CAPN2: variants seen among roughly 807,000 people sequenced by gnomAD.
CAPN2 encodes the protein calpain-2 catalytic subunit.
A neutral mutation model predicts 102.3 loss-of-function variants in CAPN2; 92 were observed. The observed-to-expected ratio is 0.90, with a 90% confidence interval of 0.76 to 1.07. The LOEUF (loss-of-function observed/expected upper bound fraction) is 1.07, where lower values mean the gene tolerates loss of function less well. Among genes scored for constraint, CAPN2 ranks in the 50% least tolerant of loss-of-function variants. The pLI is 0.00. For missense variants in CAPN2, 800 were observed against 909.4 expected (o/e 0.88, Z 1.55); for synonymous variants, 340 against 355.4 (o/e 0.96, Z 0.49).
chr1:223,737,336 C>T (rs998570880), intron 2 of CAPN2, among the ~76,000 whole-genome samples: 1 of 152,206 alleles, frequency 6.6e-6, no homozygotes, highest in Admixed American at 6.5e-5. Flanking sequence ...AGCCCGTGGT[C>T]AGGACCTTCA....
chr1:223,745,256 C>A, intron 3 of CAPN2, 50 bp from the exon 4 acceptor site: 3 of 1,612,006 alleles, frequency 1.9e-6, no homozygotes, highest in Non-Finnish European at 2.5e-6. Context: ...GGCTCAGAGT[C>A]CCAGTGCTGC....
chr1:223,720,654 CA>C (rs1005971616), intron 2 of CAPN2, among the ~76,000 whole-genome samples: 4 of 152,126 alleles, frequency 2.6e-5, no homozygotes, highest in Admixed American at 1.3e-4. Context: ...GGAGTAATAA[CA>C]GTACCCATCA....
chr1:223,757,384 C>T lies in CAPN2; in HGVS notation c.1317+4C>T, dbSNP rs371577951. On this transcript the variant is annotated splice_donor_region_variant and intron_variant, in intron 11 of 20. Transcript: ENST00000295006. ...TATTTTGCAGGTTCCAGAGGAGGTA[C>T]GTCTGGCCCATGTCCCGGGGTGCTC... 18 of 1,614,036 alleles carry T rather than the reference C, an allele frequency of 1.1e-5. No individual in the cohort carries two copies. The highest frequency in any genetic ancestry group is 1.1e-4 in the African/African-American group (8 of 74,924).
upstream of CAPN2, among the ~76,000 whole-genome samples, chr1:223,710,919 T>G (rs1659712784): frequency 6.6e-6 from 1 of 150,850 alleles, no homozygotes; most frequent in South Asian, 2.1e-4. Context: ...CTAACATGTA[T>G]AAAACCAAGC....
chr1:223,717,319 G>T (rs1659903991), intron 1 of CAPN2, among the ~76,000 whole-genome samples: 1 of 152,158 alleles, frequency 6.6e-6, no homozygotes. Flanking sequence ...GATGCAATAT[G>T]GAAAAGGAGG....
intron 1 of CAPN2, among the ~76,000 whole-genome samples, chr1:223,714,143 C>T (rs1571778377): frequency 6.6e-6 from 1 of 152,194 alleles, no homozygotes; most frequent in Admixed American, 6.5e-5. Flanking sequence ...ACCTCCCCAC[C>T]TTGTTTTTCT....
In CAPN2 at chr1:223,727,706, C is replaced by T. The variant is rs1395401482; in HGVS notation, c.307+9875C>T. ...GTAAATACTGTAGGAAAGGAGAAAACATTGCATGTACGGGGTCAGGGCAGC... is the reference window on the plus strand; with the variant it reads ...GTAAATACTGTAGGAAAGGAGAAAATATTGCATGTACGGGGTCAGGGCAGC... On this transcript the variant is annotated intron_variant, in intron 2 of 20. Transcript: ENST00000295006. The surrounding 1 kb of genome is among the most constrained non-coding windows in gnomAD (Gnocchi z 4.1). Among the ~76,000 whole-genome samples, 1 of 152,144 alleles carries T rather than the reference C, an allele frequency of 6.6e-6. No homozygotes were observed. Among genetic ancestry groups the T allele is most frequent in the Admixed American group, 6.5e-5 (1 of 15,274 alleles).
chr1:223,702,105 AGAAG>A (rs372361537), intron 1 of CAPN2, among the ~76,000 whole-genome samples: 55 of 84,606 alleles, frequency 6.5e-4, no homozygotes, highest in African/African-American at 2.1e-3. Context: ...AAAGAAGGAA[AGAAG>A]GAAGGAAGGA....
intron 2 of CAPN2, among the ~76,000 whole-genome samples, chr1:223,733,070 T>C (rs561568079): frequency 2.6e-5 from 4 of 152,272 alleles, no homozygotes; most frequent in African/African-American, 9.6e-5. Flanking sequence ...GTGCAGGCAC[T>C]GGGTGTAACT....
At chr1:223,739,108 A>G (rs897939777) in intron 2 of CAPN2, among the ~76,000 whole-genome samples, 2 of 152,146 alleles carry the variant, frequency 1.3e-5, no homozygotes, top group African/African-American at 4.8e-5. Flanking sequence ...TTCCCAAGAC[A>G]ATAGTTTCTG....
intron 11 of CAPN2, 153 bp downstream of exon 11, chr1:223,757,533 C>T (rs1041753373): frequency 2.5e-6 from 2 of 797,816 alleles, no homozygotes; most frequent in Non-Finnish European, 2.1e-6. Context: ...TGAAGTTGCC[C>T]AGGCTCTAGA....
At chr1:223,752,540 C>T (rs1330222924) in intron 8 of CAPN2, among the ~76,000 whole-genome samples, 3 of 152,200 alleles carry the variant, frequency 2.0e-5, no homozygotes, top group East Asian at 3.8e-4. Flanking sequence ...TTGATGGGCA[C>T]GGCTCCCATT....
chr1:223,722,917 G>T (rs1332885811), intron 2 of CAPN2, among the ~76,000 whole-genome samples: 1 of 152,160 alleles, frequency 6.6e-6, no homozygotes, highest in African/African-American at 2.4e-5. Context: ...GTCTCCTTCG[G>T]CTCCTCTGGG....
At chr1:223,745,502 C>T (rs1660732711) in intron 4 of CAPN2, 63 bp downstream of exon 4, 2 of 1,592,532 alleles carry the variant, frequency 1.3e-6, no homozygotes, top group South Asian at 2.2e-5. Context: ...CCAAAAAATT[C>T]ACTCATGCCT....
In CAPN2 at chr1:223,752,916, G is replaced by A. The variant is rs771154397; in HGVS notation, c.1095G>A (p.Trp365Ter). Residue 365 changes from tryptophan (W) to a stop codon, truncating the protein, a stop_gained, in exon 9 of 21, where the codon TGG becomes TGA. Transcript: ENST00000295006. LOFTEE classifies it high-confidence loss of function. Reference protein sequence around the residue: ...KWKLTKMDGNWRRGSTAGGCR... With the variant: ...KWKLTKMDGN ...AACTCACCAAAATGGATGGGAACTGGAGGCGGGGCTCCACCGCGGGAGGTT... is the reference window on the plus strand; with the variant it reads ...AACTCACCAAAATGGATGGGAACTGAAGGCGGGGCTCCACCGCGGGAGGTT... 1.2e-6 allele frequency: 2 copies of A among 1,614,142 alleles called. No homozygotes were observed. Among genetic ancestry groups the A allele is most frequent in the Non-Finnish European group, 1.7e-6 (2 of 1,180,030 alleles).
chr1:223,732,712 C>T (rs1660364818), intron 2 of CAPN2, among the ~76,000 whole-genome samples: 1 of 152,208 alleles, frequency 6.6e-6, no homozygotes, highest in African/African-American at 2.4e-5. Context: ...TTACTCAGCT[C>T]TTATTCAAGA....
upstream of CAPN2, among the ~76,000 whole-genome samples, chr1:223,708,748 G>T (rs1336307400): frequency 6.6e-6 from 1 of 151,506 alleles, no homozygotes. Flanking sequence ...TCCAGCCTGG[G>T]CAACAAGAGT....
chr1:223,705,245 T>G (rs926318728), intron 1 of CAPN2, among the ~76,000 whole-genome samples: 1 of 152,322 alleles, frequency 6.6e-6, no homozygotes, highest in Admixed American at 6.5e-5. Context: ...AAATGTCTCC[T>G]ATGGTTACCT....
rs772378403 is a variant in CAPN2 at position 223,745,291 on chromosome 1, T to C, written c.427-15T>C. 3.1e-6 allele frequency: 5 copies of C among 1,613,924 alleles called. No homozygotes were observed. The highest frequency in any genetic ancestry group is 3.4e-6 in the Non-Finnish European group (4 of 1,179,990). ...CCACCAGCTCCTCCTGCAGCCCACC[T>C]CTCTTGTTCTGCAGTTCTGGCAATA... On this transcript the variant is annotated splice_polypyrimidine_tract_variant and intron_variant, in intron 3 of 20. Transcript: ENST00000295006.
Sources: allele counts gnomAD v4.1 joint callset (sites outside exome capture counted in the v4.1 genomes callset), GRCh38; gene constraint gnomAD v4.1.1; non-coding constraint Gnocchi (gnomAD v3.1); transcripts MANE v1.5; gene names NCBI Gene and HGNC (gene_info 2026-07-23, HGNC 2026-07-21).